TMEM53: variants seen among roughly 807,000 people sequenced by gnomAD.
TMEM53 encodes novel DUF829 domain-containing protein.
Under a neutral mutation model 21.4 loss-of-function variants are expected in TMEM53, and 14 were observed. The ratio of observed to expected loss-of-function variants is 0.65; its 90% CI spans 0.43 to 1.02. The LOEUF (loss-of-function observed/expected upper bound fraction) is 1.02. Ranked by LOEUF, TMEM53 falls within the 50% of genes least tolerant of loss-of-function variation. The pLI, the probability that TMEM53 is intolerant of heterozygous loss-of-function variation, is 0.00. For missense variants in TMEM53, 323 were observed against 383.6 expected (o/e 0.84, Z 1.32); for synonymous variants, 148 against 157.4 (o/e 0.94, Z 0.45).
Position 44,654,955 on chromosome 1 carries a change from A to G in TMEM53, c.438T>C (p.Pro146=), listed in dbSNP as rs1474648093. The G allele has an allele frequency of 6.2e-7, 1 of 1,613,894 alleles. No homozygotes were observed. The highest frequency in any genetic ancestry group is 1.1e-5 in the South Asian group (1 of 91,068). ...GAGCCCCTACCAGGTTGCTGTCACCAGGAGCGCTGTCAAAGATGGTGCCCA... is the reference window on the plus strand; with the variant it reads ...GAGCCCCTACCAGGTTGCTGTCACCGGGAGCGCTGTCAAAGATGGTGCCCA... ...RVVGTIFDSA[P]GDSNLVGALR... is the part of the protein sequence containing the mutation. Residue 146 remains proline, a synonymous_variant, in exon 3 of 3, where the codon CCT becomes CCC. Transcript: ENST00000372237. The surrounding 1 kb of genome is among the most constrained non-coding windows in gnomAD (Gnocchi z 7.0).
In TMEM53 at chr1:44,655,374, G is replaced by C. The variant is rs527847949; in HGVS notation, c.184-165C>G. 6.6e-6 allele frequency among the ~76,000 whole-genome samples: 1 copy of C among 152,126 alleles called. No homozygotes were observed. The highest frequency in any genetic ancestry group is 1.5e-5 in the Non-Finnish European group (1 of 68,024). On this transcript the variant is annotated intron_variant, in intron 2 of 2. Transcript: ENST00000372237. This position sits in a 1 kb window ranked among gnomAD's most constrained non-coding sequence, Gnocchi z 4.4. The stretch of plus-strand genomic sequence containing the variant: ...TTCAGCCTGAGCCCACCAGCCCGCT[G>C]CCCACAGACACAGGTGCCTTCTGGG...
intron 1 of TMEM53, 159 bp downstream of exon 1, chr1:44,674,172 G>T (rs1254096607): frequency 1.7e-5 from 17 of 985,320 alleles, no homozygotes; most frequent in Non-Finnish European, 2.0e-5. Flanking sequence ...GAGGGGCGGG[G>T]CTCTCTGAGC....
intron 2 of TMEM53, among the ~76,000 whole-genome samples, chr1:44,656,010 G>T (rs1332858051): frequency 2.0e-5 from 3 of 152,044 alleles, no homozygotes; most frequent in Non-Finnish European, 2.9e-5. Context: ...CTCCACACAG[G>T]TCCCCTTCTA....
intron 1 of TMEM53, among the ~76,000 whole-genome samples, chr1:44,672,855 A>G (rs1342661986): frequency 2.6e-5 from 4 of 151,920 alleles, no homozygotes; most frequent in Non-Finnish European, 4.4e-5. Flanking sequence ...AGGGACACAC[A>G]TCCAAACGCT....
intron 1 of TMEM53, among the ~76,000 whole-genome samples, chr1:44,671,273 C>A (rs151142656): frequency 6.6e-6 from 1 of 152,324 alleles, no homozygotes; most frequent in African/African-American, 2.4e-5. Flanking sequence ...TCGGTGTGGG[C>A]AGCCAATAGG....
chr1:44,654,506 G>T lies in TMEM53; in HGVS notation c.*53C>A. Reference sequence around the variant, plus strand: ...GAGTGCCCGACAGATTGCAGGTTGTGGGGAGGTGTCAGGCATTTATTTCTG... The same window carrying T: ...GAGTGCCCGACAGATTGCAGGTTGTTGGGAGGTGTCAGGCATTTATTTCTG... On this transcript the variant is annotated 3_prime_UTR_variant, in exon 3 of 3. Transcript: ENST00000372237. The surrounding 1 kb of genome is among the most constrained non-coding windows in gnomAD (Gnocchi z 7.0). 1 of 1,560,120 alleles carries T rather than the reference G, an allele frequency of 6.4e-7. No homozygotes were observed. The highest frequency in any genetic ancestry group is 8.7e-7 in the Non-Finnish European group (1 of 1,147,254).
At chr1:44,661,869 C>T (rs1323955409) in intron 1 of TMEM53, among the ~76,000 whole-genome samples, 1 of 152,210 alleles carries the variant, frequency 6.6e-6, no homozygotes, top group African/African-American at 2.4e-5. Flanking sequence ...TCCCTGCAAC[C>T]TTGTCAAACA....
chr1:44,672,670 A>G (rs1645012291), intron 1 of TMEM53, among the ~76,000 whole-genome samples: 1 of 151,786 alleles, frequency 6.6e-6, no homozygotes, highest in Non-Finnish European at 1.5e-5. Context: ...AGTCTCTGAG[A>G]TTTCTTCCAA....
chr1:44,671,189 A>G (rs548171397), intron 1 of TMEM53, among the ~76,000 whole-genome samples: 1 of 152,328 alleles, frequency 6.6e-6, no homozygotes, highest in South Asian at 2.1e-4. Flanking sequence ...CTGGCCTGGG[A>G]AAAAGAGAGG....
At chr1:44,659,739 GAGGA>G (rs1250698246) in intron 2 of TMEM53, among the ~76,000 whole-genome samples, 1 of 152,168 alleles carries the variant, frequency 6.6e-6, no homozygotes, top group Non-Finnish European at 1.5e-5. Flanking sequence ...GGAATGCAGG[GAGGA>G]AGGAAGGGGA....
chr1:44,654,840 G>A lies in TMEM53; in HGVS notation c.553C>T (p.His185Tyr), dbSNP rs771271946. ...GCTGTGATGGGAGCAAGCAGGACGT[G>A]GAACAGGACGACCACCAGGGCAAAG... ...VAFALVVVLF[H>Y]VLLAPITALF... Residue 185 changes from histidine to tyrosine, a missense_variant, in exon 3 of 3, where the codon CAC (histidine) becomes TAC (tyrosine). Around this residue, in one of 3 missense-constraint regions of TMEM53, gnomAD observed 269 missense variants for 334.5 expected, o/e 0.80. Coordinates refer to ENST00000372237, the MANE Select transcript of TMEM53 (RefSeq NM_024587.4). This position sits in a 1 kb window ranked among gnomAD's most constrained non-coding sequence, Gnocchi z 7.0. 6.2e-6 allele frequency: 10 copies of A among 1,613,112 alleles called. No homozygotes were observed. In the South Asian group the frequency reaches 9.9e-5, roughly 16 times the overall value.
At position 44,674,442 on chromosome 1, in the gene TMEM53, C is replaced by T. The variant is rs1281309761; in HGVS notation, c.-51G>A. The T allele has an allele frequency of 1.9e-6, 3 of 1,575,140 alleles. No individual in the cohort carries two copies. Among genetic ancestry groups the T allele is most frequent in the East Asian group, 2.3e-5 (1 of 43,716 alleles). ...GGTCTCCAGCCGGAACTCCCGCTTG[C>T]GCACCCGTGCCTCACCCGGGCGCCT... On this transcript the variant is annotated 5_prime_UTR_variant, in exon 1 of 3. Coordinates refer to ENST00000372237, the MANE Select transcript of TMEM53 (RefSeq NM_024587.4).
chr1:44,657,537 T>C (rs183029841), intron 2 of TMEM53, among the ~76,000 whole-genome samples: 174 of 152,320 alleles, frequency 1.1e-3, no homozygotes, highest in Non-Finnish European at 1.6e-3. Context: ...GTTTTTGTTT[T>C]GTTTTGCTTG....
In TMEM53 at chr1:44,673,976, G is replaced by A. The variant is rs1425531378; in HGVS notation, c.61+355C>T. 22 of 985,320 alleles carry A rather than the reference G, an allele frequency of 2.2e-5. No individual in the cohort carries two copies. The Admixed American group carries it at 1.4e-3, about 61-fold the overall frequency. 61.0% of individuals were successfully genotyped at this position (985,320 alleles called of 1,614,324 possible). Reference sequence around the variant, plus strand: ...ATAAGTGATAGGCTAGATGTGGGAAGCCCAATCCCAAACAAAGGAATCAGG... The same window carrying A: ...ATAAGTGATAGGCTAGATGTGGGAAACCCAATCCCAAACAAAGGAATCAGG... On this transcript the variant is annotated intron_variant, in intron 1 of 2. Transcript: ENST00000372237.
chr1:44,673,538 G>A (rs553088623), intron 1 of TMEM53, among the ~76,000 whole-genome samples: 2 of 152,318 alleles, frequency 1.3e-5, no homozygotes, highest in South Asian at 4.1e-4. Flanking sequence ...TACTCACACT[G>A]TCATGGATGC....
At chr1:44,660,972 CA>C (rs35717917) in intron 1 of TMEM53, among the ~76,000 whole-genome samples, 2,121 of 88,208 alleles carry the variant, frequency 0.024, 15 homozygotes, top group Middle Eastern at 0.051. Context: ...GACTCTGTCT[CA>C]AAAAAAAAAA....
At chr1:44,668,934 G>A (rs563175461) in intron 1 of TMEM53, among the ~76,000 whole-genome samples, 7 of 152,220 alleles carry the variant, frequency 4.6e-5, no homozygotes, top group South Asian at 4.1e-4. Context: ...ATCATATCTC[G>A]GTTCAAATCT....
At chr1:44,672,851 A>C (rs1358350916) in intron 1 of TMEM53, among the ~76,000 whole-genome samples, 1 of 152,122 alleles carries the variant, frequency 6.6e-6, no homozygotes, top group East Asian at 1.9e-4. Flanking sequence ...TGCCAGGGAC[A>C]CACATCCAAA....
Position 44,654,491 on chromosome 1 carries a change from C to T in TMEM53, c.*68G>A. On this transcript the variant is annotated 3_prime_UTR_variant, in exon 3 of 3. Coordinates refer to ENST00000372237, the MANE Select transcript of TMEM53 (RefSeq NM_024587.4). The surrounding 1 kb of genome is among the most constrained non-coding windows in gnomAD (Gnocchi z 7.0). The stretch of plus-strand genomic sequence containing the variant: ...GGAGTTGAACGAGAAGAGTGCCCGA[C>T]AGATTGCAGGTTGTGGGGAGGTGTC... 6.5e-7 allele frequency: 1 copy of T among 1,541,380 alleles called. No individual in the cohort carries two copies. The highest frequency in any genetic ancestry group is 1.4e-5 in the African/African-American group (1 of 73,906).
Sources: gnomAD v4.1 joint callset for allele counts (sites outside exome capture counted in the v4.1 genomes callset) on GRCh38, gnomAD v4.1.1 for gene constraint, gnomAD v4.1.1 regional missense constraint, Gnocchi (gnomAD v3.1) non-coding constraint, MANE v1.5 for transcripts, NCBI Gene and HGNC (gene_info 2026-07-23, HGNC 2026-07-21) for gene names.